TTN: variants seen among roughly 807,000 people sequenced by gnomAD.
TTN encodes the protein titin.
Under a neutral mutation model 3,223.0 loss-of-function variants are expected in TTN, and 1,525 were observed. That is an observed-to-expected ratio of 0.47 (90% CI 0.45 to 0.49). TTN has a LOEUF of 0.49. Among genes scored for constraint, TTN ranks in the 20% least tolerant of loss-of-function variants. The pLI, the probability that TTN is intolerant of heterozygous loss-of-function variation, is 0.00. For missense variants in TTN, 40,786 were observed against 43,424.0 expected, an observed-to-expected ratio of 0.94 and a Z score of 5.40; for synonymous variants, 14,094 against 15,161.0, an observed-to-expected ratio of 0.93 and a Z score of 5.17.
Position 178,588,072 on chromosome 2 carries a change from G to A in TTN, c.63335C>T (p.Pro21112Leu), listed in dbSNP as rs758801950. ...ATTACACCGTTTCCAGCCTTCATCA[G>A]GAGACGCATCTGCTATTTTTGGTCT... ...EMRPKIADAS[P>L]DEGWKRCNAA... The change falls in exon 305 of 363, where the codon CCT (proline) becomes CTT (leucine). Residue 21112 changes from proline to leucine, a missense_variant. By Grantham distance (98) the Pro-to-Leu change is moderately conservative (BLOSUM62 -3). Transcript: ENST00000589042. 4.3e-5 allele frequency: 70 copies of A among 1,612,936 alleles called. No homozygotes were observed. The highest frequency in any genetic ancestry group is 5.7e-5 in the Non-Finnish European group (67 of 1,179,340).
At chr2:178,666,007 T>C (rs951111342) in intron 163 of TTN, among the ~76,000 whole-genome samples, 2 of 152,140 alleles carry the variant, frequency 1.3e-5, no homozygotes, top group Non-Finnish European at 2.9e-5. Context: ...TTTCTTGGAA[T>C]GGTAGATGCA....
intron 294 of TTN, 113 bp downstream of exon 294, chr2:178,597,425 G>A: frequency 8.0e-7 from 1 of 1,246,044 alleles, no homozygotes; most frequent in Non-Finnish European, 1.1e-6. Flanking sequence ...ATGATTATGG[G>A]TGATTTTTCT....
At chr2:178,616,405 G>A (rs1253941217) in intron 257 of TTN, 74 bp downstream of exon 257, 1 of 1,578,030 alleles carries the variant, frequency 6.3e-7, no homozygotes, top group Non-Finnish European at 8.6e-7. Flanking sequence ...TAAGACTTTT[G>A]TATGGCATCC....
intron 282 of TTN, among the ~76,000 whole-genome samples, chr2:178,602,814 T>C (rs1478679715): frequency 6.6e-5 from 10 of 151,992 alleles, no homozygotes; most frequent in Non-Finnish European, 1.3e-4. Flanking sequence ...TAACTGGGAA[T>C]AGAAAGACTA....
Position 178,542,884 on chromosome 2 carries a change from C to T in TTN, c.96970G>A (p.Val32324Ile), listed in dbSNP as rs1454125243. Residue 32324 changes from valine to isoleucine, a missense_variant, in exon 348 of 363, where the codon GTA becomes ATA. Physicochemically the swap from Val to Ile is conservative, Grantham distance 29. Coordinates refer to ENST00000589042, the MANE Select transcript of TTN (RefSeq NM_001267550.2). ...CCAGCAATAGGTATCACCAGCTCTA[C>T]TGGTCTGCCAGCTGGGACATGGATG... ...KTIHVPAGRPVELVIPIAGRP... is the reference protein window; with the variant it reads ...KTIHVPAGRPIELVIPIAGRP... The T allele has an allele frequency of 1.2e-6, 2 of 1,613,666 alleles. No homozygotes were observed. The highest frequency in any genetic ancestry group is 1.7e-6 in the Non-Finnish European group (2 of 1,179,650).
rs1417514484 is a variant in TTN, at chr2:178,697,105, ATTTATC to A, written c.30802+10_30802+15del. Reference sequence around the variant, plus strand: ...CTCAGGAATAAACAGAATAAAAATAATTTATCTTTATTTACCTTTTGCTGGAATTAA... The same window carrying A: ...CTCAGGAATAAACAGAATAAAAATAATTTATTTACCTTTTGCTGGAATTAA... On this transcript the variant is annotated intron_variant, in intron 113 of 362. Transcript: ENST00000589042. The A allele has an allele frequency of 1.3e-6, 2 of 1,534,462 alleles. No individual in the cohort carries two copies. The highest frequency in any genetic ancestry group is 3.9e-5 in the Admixed American group (2 of 51,044).
In TTN at chr2:178,561,230, T is replaced by C. The variant is rs779856458; in HGVS notation, c.84902A>G (p.Lys28301Arg). The part of the protein sequence containing the change: ...RRELPDGRWL[K>R]CNYTNIQETY... ...TTCTTGTATATTAGTATAATTGCACTTCAGCCACCGGCCATCTGGTAGTTC... is the reference window on the plus strand; with the variant it reads ...TTCTTGTATATTAGTATAATTGCACCTCAGCCACCGGCCATCTGGTAGTTC... Residue 28301 changes from lysine (K) to arginine (R), a missense_variant, in exon 326 of 363, where the codon AAG (lysine) becomes AGG (arginine). Coordinates refer to ENST00000589042, the MANE Select transcript of TTN (RefSeq NM_001267550.2). 6.2e-7 allele frequency: 1 copy of C among 1,613,676 alleles called. No homozygotes were observed. The highest frequency in any genetic ancestry group is 1.1e-5 in the South Asian group (1 of 91,088).
In TTN at chr2:178,735,798, A is replaced by C. The variant is rs369548127; in HGVS notation, c.14648T>G (p.Ile4883Ser). 1 of 1,613,746 alleles carries C rather than the reference A, an allele frequency of 6.2e-7. No individual in the cohort carries two copies. Among genetic ancestry groups the C allele is most frequent in the Admixed American group, 1.7e-5 (1 of 59,988 alleles). ...AATGAAATGTGGCTTATCAATGATGATCAACTCTGCTTGGCAGATGTCTGC... is the reference window on the plus strand; with the variant it reads ...AATGAAATGTGGCTTATCAATGATGCTCAACTCTGCTTGGCAGATGTCTGC... ...FGADICQAEL[I>S]IIDKPHFIKE... The change falls in exon 50 of 363, where the codon ATC becomes AGC. Residue 4883 changes from isoleucine (I) to serine (S), a missense_variant. Ile to Ser is a moderately radical substitution (Grantham distance 142). Transcript: ENST00000589042.
rs727505178 is a variant in TTN at position 178,728,498 on chromosome 2, A to T, written c.19426+2T>A. 9.3e-6 allele frequency: 15 copies of T among 1,605,738 alleles called. No homozygotes were observed. In the Middle Eastern group the frequency reaches 2.3e-3, roughly 249 times the overall value. ...GAAGCTGACTGGGGTGAAGATACAA[A>T]CCTAGCACTCTTAAGTAGGCATCAC... On this transcript the variant is annotated splice_donor_variant, in intron 66 of 362. Coordinates refer to ENST00000589042, the MANE Select transcript of TTN (RefSeq NM_001267550.2). LOFTEE classifies it high-confidence loss of function.
Position 178,616,804 on chromosome 2 carries a change from C to A in TTN, c.48085G>T (p.Asp16029Tyr). Residue 16029 changes from aspartate to tyrosine, a missense_variant, in exon 256 of 363, where the codon GAC (aspartate) becomes TAC (tyrosine). By Grantham distance (160) the Asp-to-Tyr change is radical. Transcript: ENST00000589042. ...ELVISPSERS[D>Y]KGIYTLKLEN... The stretch of plus-strand genomic sequence containing the variant: ...AATTTCAGTGTATAAATGCCCTTGT[C>A]TGAACGTTCACTTGGAGAAATGACA... 6.2e-7 allele frequency: 1 copy of A among 1,612,764 alleles called. No individual in the cohort carries two copies. Among genetic ancestry groups the A allele is most frequent in the Non-Finnish European group, 8.5e-7 (1 of 1,179,178 alleles).
chr2:178,587,798 G>T lies in TTN; in HGVS notation c.63511C>A (p.Pro21171Thr). The part of the protein sequence containing the change: ...EAIKPKEILE[P>T]PEIDLDASMR... Reference sequence around the variant, plus strand: ...CTGGCATCCAAATCAATCTCCGGAGGTTCTGCAAATGACATTAAGGTCATT... The same window carrying T: ...CTGGCATCCAAATCAATCTCCGGAGTTTCTGCAAATGACATTAAGGTCATT... The change falls in exon 306 of 363, where the codon CCT becomes ACT. Residue 21171 changes from proline (P) to threonine (T), a missense_variant and splice_region_variant. Physicochemically the swap from Pro to Thr is conservative, Grantham distance 38. Transcript: ENST00000589042. 1 of 1,595,132 alleles carries T rather than the reference G, an allele frequency of 6.3e-7. No homozygotes were observed. The highest frequency in any genetic ancestry group is 8.5e-7 in the Non-Finnish European group (1 of 1,169,986).
rs1483940165 is a variant in TTN, at chr2:178,756,271, G to C, written c.11205C>G (p.His3735Gln). Residue 3735 changes from histidine (H) to glutamine (Q), a missense_variant, in exon 46 of 363, where the codon CAC (histidine) becomes CAG (glutamine). Coordinates refer to ENST00000589042, the MANE Select transcript of TTN (RefSeq NM_001267550.2). Reference sequence around the variant, plus strand: ...ACGTTGTCCTCTCTCCACAGTCATTGTGTACAATGCAGCTGTATAGTCCTT... The same window carrying C: ...ACGTTGTCCTCTCTCCACAGTCATTCTGTACAATGCAGCTGTATAGTCCTT... Reference protein sequence around the residue: ...VDQGLYSCIVHNDCGERTTSA... With the variant: ...VDQGLYSCIVQNDCGERTTSA... 1 of 1,613,684 alleles carries C rather than the reference G, an allele frequency of 6.2e-7. No homozygotes were observed. The highest frequency in any genetic ancestry group is 2.2e-5 in the East Asian group (1 of 44,890).
Position 178,614,687 on chromosome 2 carries a change from A to G in TTN, c.48827T>C (p.Ile16276Thr), listed in dbSNP as rs759916327. ...TCCGGTTACGGTGGCAGGAAGTTCA[A>G]TCTTGGTCCCAGCTTTTACAGTGAG... ...AGLTVKAGTK[I>T]ELPATVTGKP... The change falls in exon 261 of 363, where the codon ATT becomes ACT. Residue 16276 changes from isoleucine to threonine, a missense_variant. Ile to Thr is a moderately conservative substitution (Grantham distance 89). Transcript: ENST00000589042. The G allele has an allele frequency of 1.7e-5, 28 of 1,612,274 alleles. No homozygotes were observed. The East Asian group carries it at 2.0e-4, about 12-fold the overall frequency.
chr2:178,737,925 C>A, intron 49 of TTN, 157 bp downstream of exon 49: 1 of 719,582 alleles, frequency 1.4e-6, no homozygotes, highest in South Asian at 3.2e-5. Flanking sequence ...GATTTCTTAT[C>A]CCATATAGGC....
chr2:178,557,936 G>A lies in TTN; in HGVS notation c.87418C>T (p.Pro29140Ser). The A allele has an allele frequency of 1.2e-6, 2 of 1,613,124 alleles. No homozygotes were observed. Among genetic ancestry groups the A allele is most frequent in the South Asian group, 1.1e-5 (1 of 91,072 alleles). The change falls in exon 328 of 363, where the codon CCT (proline) becomes TCT (serine). Residue 29140 changes from proline (P) to serine (S), a missense_variant. Physicochemically the swap from Pro to Ser is moderately conservative, Grantham distance 74. Transcript: ENST00000589042. ...INIVVLDRPG[P>S]PTGPVVISDI... ...CTAATAACAACAGGGCCAGTTGGAG[G>A]ACCAGGCCTGTCTAGCACAACAATG...
At chr2:178,719,116 C>A in intron 83 of TTN, 48 bp downstream of exon 83, 2 of 1,567,836 alleles carry the variant, frequency 1.3e-6, no homozygotes, top group South Asian at 1.2e-5. Context: ...ACCACGTCCA[C>A]ATGAAAGAGG....
At position 178,582,330 on chromosome 2, in the gene TTN, G is replaced by A; in HGVS notation, c.66126C>T (p.Val22042=). 1.0e-5 allele frequency: 16 copies of A among 1,602,544 alleles called. No individual in the cohort carries two copies. The highest frequency in any genetic ancestry group is 1.3e-5 in the Non-Finnish European group (15 of 1,174,244). ...AENKYGVGDP[V]FTEPAIAKNP... ...TTTTGGCAATTGCTGGTTCAGTGAA[G>A]ACTGGATCGCCTACTCCATATTTAT... Residue 22042 remains valine, a synonymous_variant, in exon 314 of 363, where the codon GTC becomes GTT. Coordinates refer to ENST00000589042, the MANE Select transcript of TTN (RefSeq NM_001267550.2).
intron 112 of TTN, among the ~76,000 whole-genome samples, chr2:178,698,060 C>T (rs1225028548): frequency 6.6e-6 from 1 of 151,994 alleles, no homozygotes; most frequent in African/African-American, 2.4e-5. Context: ...TACTATTCAG[C>T]CTTATAAAAA....
chr2:178,589,538 C>G lies in TTN; in HGVS notation c.62187G>C (p.Met20729Ile). Residue 20729 changes from methionine to isoleucine, a missense_variant, in exon 304 of 363, where the codon ATG (methionine) becomes ATC (isoleucine). Met to Ile is a conservative substitution (Grantham distance 10, BLOSUM62 1). Coordinates refer to ENST00000589042, the MANE Select transcript of TTN (RefSeq NM_001267550.2). ...HKGSIKETHY[M>I]VDRCVENQIY... Reference sequence around the variant, plus strand: ...TCTGGTTTTCAACACATCTGTCAACCATGTAGTGAGTTTCTTTAATGCTTC... The same window carrying G: ...TCTGGTTTTCAACACATCTGTCAACGATGTAGTGAGTTTCTTTAATGCTTC... The G allele has an allele frequency of 6.2e-7, 1 of 1,613,332 alleles. No individual in the cohort carries two copies.
Sources: gnomAD v4.1 joint callset for allele counts (sites outside exome capture counted in the v4.1 genomes callset) on GRCh38, gnomAD v4.1.1 for gene constraint, MANE v1.5 for transcripts, NCBI Gene and HGNC (gene_info 2026-07-23, HGNC 2026-07-21) for gene names.